The following GATB variants were observed in gnomAD, a reference collection of about 807,000 sequenced individuals.
GATB encodes the protein glutamyl-tRNA(Gln) amidotransferase subunit B, mitochondrial.
A neutral mutation model predicts 62.3 loss-of-function variants in GATB; 39 were observed. That is an observed-to-expected ratio of 0.63 (90% confidence interval 0.48 to 0.82). The LOEUF (loss-of-function observed/expected upper bound fraction) is 0.82. Among genes scored for constraint, GATB ranks in the 40% least tolerant of loss-of-function variants. GATB has a pLI of 0.00. For missense variants in GATB, 670 were observed against 684.0 expected (o/e 0.98, Z 0.23); for synonymous variants, 276 against 258.9 (o/e 1.07, Z -0.63).
intron 2 of GATB, among the ~76,000 whole-genome samples, chr4:151,727,327 AC>A (rs1739156470): frequency 6.6e-6 from 1 of 152,202 alleles, no homozygotes. Flanking sequence ...TCCTAGGTCC[AC>A]CCCTAATATG....
chr4:151,682,667 C>T (rs1381360092), intron 10 of GATB, among the ~76,000 whole-genome samples: 2 of 151,968 alleles, frequency 1.3e-5, no homozygotes, highest in African/African-American at 2.4e-5. Flanking sequence ...GAGCAGACAA[C>T]GCTGATGCTT....
At chr4:151,750,315 G>A (rs1456163888) in intron 2 of GATB, among the ~76,000 whole-genome samples, 2 of 152,064 alleles carry the variant, frequency 1.3e-5, no homozygotes, top group Non-Finnish European at 2.9e-5. Context: ...TCAGATCTTT[G>A]AGCTGTCTCG....
rs1738922801 is a variant in GATB at position 151,716,886 on chromosome 4, C to T, written c.630G>A (p.Leu210=). The T allele has an allele frequency of 1.2e-6, 2 of 1,614,156 alleles. No homozygotes were observed. The highest frequency in any genetic ancestry group is 8.5e-7 in the Non-Finnish European group (1 of 1,180,018). ...ACACTCCAAGCCTACCTGCCCTGTT[C>T]AAATCAATGAGCGTCTGAGACCTCA... The part of the protein sequence containing the change: ...DNLRSQTLID[L]NRAGVGLLEV... Residue 210 remains leucine (L), a synonymous_variant, in exon 4 of 13, where the codon TTG becomes TTA. Coordinates refer to ENST00000263985, the MANE Select transcript of GATB (RefSeq NM_004564.3).
At chr4:151,744,131 T>C (rs1196072878) in intron 2 of GATB, among the ~76,000 whole-genome samples, 2 of 152,224 alleles carry the variant, frequency 1.3e-5, no homozygotes, top group Non-Finnish European at 2.9e-5. Flanking sequence ...TAAGCTTGGG[T>C]AATCAAGAAA....
chr4:151,745,587 CATATGTT>C (rs1457109642), intron 2 of GATB, among the ~76,000 whole-genome samples: 3 of 152,214 alleles, frequency 2.0e-5, no homozygotes, highest in Admixed American at 2.0e-4. Flanking sequence ...AATGTGCATA[CATATGTT>C]CCAGAAGGAA....
chr4:151,711,048 CT>C (rs1436723887), intron 5 of GATB, among the ~76,000 whole-genome samples: 3 of 152,196 alleles, frequency 2.0e-5, no homozygotes, highest in Non-Finnish European at 2.9e-5. Flanking sequence ...TCCAACTTCC[CT>C]AAAGGCATTT....
intron 2 of GATB, among the ~76,000 whole-genome samples, chr4:151,750,488 C>G (rs17360475): frequency 0.56 from 84,686 of 151,864 alleles, 25,038 homozygotes; most frequent in African/African-American, 0.77. Flanking sequence ...ATACAGTGTA[C>G]TTGTTTTAAG....
chr4:151,705,058 A>G (rs574454095), intron 7 of GATB, 127 bp downstream of exon 7: 4 of 642,190 alleles, frequency 6.2e-6, no homozygotes, highest in Non-Finnish European at 1.1e-5. Context: ...TAATTGTACT[A>G]ATGAGGAAAC....
chr4:151,719,640 C>T (rs745877248), intron 2 of GATB, 102 bp from the exon 3 acceptor site: 28 of 689,110 alleles, frequency 4.1e-5, no homozygotes, highest in Non-Finnish European at 6.6e-5. Context: ...GGCCCTTCAA[C>T]AGGCATTATC....
At position 151,758,803 on chromosome 4, in the gene GATB, A is replaced by G; in HGVS notation, c.296T>C (p.Phe99Ser). ...FSAPPNSLVS[F>S]FDASLPGTLP... ...AGTTCCAGGTAGAGATGCATCAAAA[A>G]AAGAAACCAAAGAATTTGGAGGTGC... Residue 99 changes from phenylalanine to serine, a missense_variant, in exon 2 of 13, where the codon TTT (phenylalanine) becomes TCT (serine). Physicochemically the swap from Phe to Ser is radical, Grantham distance 155 (BLOSUM62 -2). Coordinates refer to ENST00000263985, the MANE Select transcript of GATB (RefSeq NM_004564.3). The G allele has an allele frequency of 6.2e-7, 1 of 1,607,290 alleles. No homozygotes were observed. The highest frequency in any genetic ancestry group is 8.5e-7 in the Non-Finnish European group (1 of 1,176,854).
At chr4:151,724,190 CA>C (rs902731956) in intron 2 of GATB, 2 of 152,146 alleles carry the variant, frequency 1.3e-5, no homozygotes, top group African/African-American at 4.8e-5. Context: ...CATTTAACAA[CA>C]ACTCCCAACA....
At chr4:151,755,445 C>G (rs1332883566) in intron 2 of GATB, among the ~76,000 whole-genome samples, 2 of 152,202 alleles carry the variant, frequency 1.3e-5, no homozygotes, top group Non-Finnish European at 2.9e-5. Context: ...ATAGACATCT[C>G]TGCATATAAG....
intron 9 of GATB, among the ~76,000 whole-genome samples, chr4:151,689,111 C>G (rs1040165921): frequency 6.6e-6 from 1 of 152,216 alleles, no homozygotes; most frequent in African/African-American, 2.4e-5. Context: ...GAGCTGTGAA[C>G]TGGGCCTAAA....
At chr4:151,677,198 G>C (rs1006892220) in intron 11 of GATB, 1 of 152,188 alleles carries the variant, frequency 6.6e-6, no homozygotes, top group African/African-American at 2.4e-5. Context: ...CCCAAGCCAT[G>C]CTTGGACTCT....
chr4:151,702,563 G>A (rs1485297834), intron 8 of GATB, among the ~76,000 whole-genome samples: 1 of 152,202 alleles, frequency 6.6e-6, no homozygotes, highest in Non-Finnish European at 1.5e-5. Flanking sequence ...GCATTACTGT[G>A]GCACATTAAC....
chr4:151,749,921 T>C (rs1739680013), intron 2 of GATB, among the ~76,000 whole-genome samples: 1 of 152,066 alleles, frequency 6.6e-6, no homozygotes, highest in South Asian at 2.1e-4. Flanking sequence ...CTGGCTCTCA[T>C]GCCAGGCTGG....
chr4:151,722,984 T>A (rs573860186), intron 2 of GATB: 1 of 152,350 alleles, frequency 6.6e-6, no homozygotes, highest in African/African-American at 2.4e-5. Flanking sequence ...GATCAAGATG[T>A]AATTTAAAAA....
chr4:151,758,978 TTCTATAAG>T (rs1739896395), intron 1 of GATB, 56 bp from the exon 2 acceptor site: 5 of 1,309,274 alleles, frequency 3.8e-6, no homozygotes, highest in African/African-American at 1.5e-5. Context: ...ATGAATGAAT[TTCTATAAG>T]TCTAAACCAC....
intron 2 of GATB, among the ~76,000 whole-genome samples, chr4:151,750,797 T>A: frequency 6.6e-6 from 1 of 151,148 alleles, no homozygotes; most frequent in Admixed American, 6.6e-5. Flanking sequence ...CCGACTTATT[T>A]TTGTATTTTT....
Sources: allele counts gnomAD v4.1 joint callset (sites outside exome capture counted in the v4.1 genomes callset), GRCh38; gene constraint gnomAD v4.1.1; transcripts MANE v1.5; gene names NCBI Gene and HGNC (gene_info 2026-07-23, HGNC 2026-07-21).